The following XRRA1 variants were observed in gnomAD, a reference collection of about 807,000 sequenced individuals.
XRRA1 encodes the protein X-ray radiation resistance associated 1.
Under a neutral mutation model 80.2 loss-of-function variants are expected in XRRA1, and 69 were observed. That is an observed-to-expected ratio of 0.86 (90% CI 0.71 to 1.05). The LOEUF is 1.05. XRRA1 is among the 50% of genes least tolerant of loss of function. XRRA1 has a pLI of 0.00. For missense variants in XRRA1, 967 were observed against 976.4 expected (o/e 0.99, Z 0.13); for synonymous variants, 348 against 389.9 (o/e 0.89, Z 1.27).
chr11:74,895,258 G>C (rs1207993397), intron 10 of XRRA1, among the ~76,000 whole-genome samples: 3 of 152,214 alleles, frequency 2.0e-5, no homozygotes, highest in Non-Finnish European at 4.4e-5. Flanking sequence ...GCATTTTGCG[G>C]ATGGAGAGCA....
At chr11:74,859,104 ATC>A (rs2041777991) in intron 12 of XRRA1, 52 bp downstream of exon 12, 1 of 1,526,472 alleles carries the variant, frequency 6.6e-7, no homozygotes, top group Admixed American at 2.4e-5. Context: ...AGCAACTTGC[ATC>A]CCACCTTCCC....
intron 14 of XRRA1, among the ~76,000 whole-genome samples, chr11:74,849,698 C>T (rs1234102152): frequency 2.6e-5 from 4 of 152,194 alleles, no homozygotes; most frequent in Non-Finnish European, 5.9e-5. Flanking sequence ...ACCTAACTGG[C>T]CAGAGGTTGA....
At chr11:74,884,989 T>A (rs1440446717) in intron 10 of XRRA1, among the ~76,000 whole-genome samples, 1 of 152,054 alleles carries the variant, frequency 6.6e-6, no homozygotes, top group Non-Finnish European at 1.5e-5. Flanking sequence ...ACAGCCTGGA[T>A]ATGGTGGCTA....
chr11:74,859,106 C>G (rs2135841535), intron 12 of XRRA1, 52 bp downstream of exon 12: 1 of 1,526,744 alleles, frequency 6.5e-7, no homozygotes. Context: ...CAACTTGCAT[C>G]CCACCTTCCC....
At chr11:74,912,367 A>AC (rs2056113004) in intron 8 of XRRA1, among the ~76,000 whole-genome samples, 2 of 152,220 alleles carry the variant, frequency 1.3e-5, no homozygotes, top group Non-Finnish European at 2.9e-5. Context: ...AAAGGGGTTC[A>AC]TGCAACACTT....
intron 16 of XRRA1, 75 bp downstream of exon 16, chr11:74,844,998 C>G: frequency 6.7e-7 from 1 of 1,495,882 alleles, no homozygotes; most frequent in Non-Finnish European, 9.2e-7. Context: ...TGGTGCCAGC[C>G]TTGGCTTGAC....
At chr11:74,891,853 T>G (rs2050800841) in intron 10 of XRRA1, among the ~76,000 whole-genome samples, 1 of 152,164 alleles carries the variant, frequency 6.6e-6, no homozygotes. Context: ...ACAAGCAATG[T>G]GAAGGACCTC....
intron 10 of XRRA1, among the ~76,000 whole-genome samples, chr11:74,878,648 T>C (rs904515847): frequency 6.7e-6 from 1 of 149,232 alleles, no homozygotes; most frequent in Non-Finnish European, 1.5e-5. Flanking sequence ...GTATAAGGTG[T>C]AAGGAAGGGA....
chr11:74,945,699 G>T (rs1161206162), intron 1 of XRRA1, among the ~76,000 whole-genome samples: 1 of 152,050 alleles, frequency 6.6e-6, no homozygotes, highest in Non-Finnish European at 1.5e-5. Flanking sequence ...TGACTTCCTG[G>T]TTAGCTTTAG....
intron 8 of XRRA1, among the ~76,000 whole-genome samples, chr11:74,920,937 A>G (rs1940556973): frequency 6.6e-6 from 1 of 152,218 alleles, no homozygotes; most frequent in Admixed American, 6.5e-5. Context: ...CTGAGCTGAC[A>G]CAGGGGGCTC....
chr11:74,910,047 CTG>C (rs1389849161), intron 8 of XRRA1: 1 of 152,248 alleles, frequency 6.6e-6, no homozygotes, highest in Non-Finnish European at 1.5e-5. Flanking sequence ...TTACTTTACA[CTG>C]TAAGACTTTC....
intron 8 of XRRA1, among the ~76,000 whole-genome samples, chr11:74,919,332 T>C (rs540132884): frequency 6.8e-4 from 103 of 152,332 alleles, no homozygotes; most frequent in Non-Finnish European, 1.3e-3. Flanking sequence ...TTGATAATTG[T>C]CAGGTGATAA....
chr11:74,903,832 C>T (rs1444594673), intron 10 of XRRA1, among the ~76,000 whole-genome samples: 1 of 152,012 alleles, frequency 6.6e-6, no homozygotes, highest in Non-Finnish European at 1.5e-5. Context: ...ATGTAAATTA[C>T]AAACACATTA....
chr11:74,916,352 G>A (rs1393862986), intron 8 of XRRA1, among the ~76,000 whole-genome samples: 1 of 152,010 alleles, frequency 6.6e-6, no homozygotes, highest in Non-Finnish European at 1.5e-5. Flanking sequence ...CTTTGTTCAA[G>A]TCAATCTTTT....
intron 10 of XRRA1, among the ~76,000 whole-genome samples, chr11:74,886,149 G>A (rs1213215736): frequency 6.6e-6 from 1 of 152,100 alleles, no homozygotes; most frequent in African/African-American, 2.4e-5. Flanking sequence ...TTGAGAACTG[G>A]AACAAGACAG....
chr11:74,855,678 T>G lies in XRRA1; in HGVS notation c.1170+3480A>C, dbSNP rs187838199. 1.5e-4 allele frequency among the ~76,000 whole-genome samples: 23 copies of G among 152,366 alleles called. No homozygotes were observed. In the East Asian group the frequency reaches 4.4e-3, roughly 29 times the overall value. On this transcript the variant is annotated intron_variant, in intron 12 of 18. Coordinates refer to ENST00000684022, the MANE Select transcript of XRRA1 (RefSeq NM_001378157.1). ...TAAAGACCAAGTGAAAGTGATTATT[T>G]TACTTTTGACACAACAATTTCTAGT...
intron 10 of XRRA1, among the ~76,000 whole-genome samples, chr11:74,895,501 A>G (rs761101939): frequency 3.9e-4 from 60 of 152,218 alleles, no homozygotes; most frequent in Non-Finnish European, 8.2e-4. Context: ...CTAGGACACA[A>G]GAGCTGTAAT....
intron 10 of XRRA1, among the ~76,000 whole-genome samples, chr11:74,881,183 T>C (rs1219309742): frequency 3.3e-5 from 5 of 150,700 alleles, no homozygotes; most frequent in East Asian, 1.9e-4. Context: ...TAGTTAGCTC[T>C]TCTTGTTGAA....
At chr11:74,877,215 C>T (rs1190654713) in intron 10 of XRRA1, among the ~76,000 whole-genome samples, 1 of 152,198 alleles carries the variant, frequency 6.6e-6, no homozygotes, top group Non-Finnish European at 1.5e-5. Flanking sequence ...ATGTGTTCCT[C>T]CCAATCACAT....
Sources: gnomAD v4.1 joint callset for allele counts (sites outside exome capture counted in the v4.1 genomes callset) on GRCh38, gnomAD v4.1.1 for gene constraint, MANE v1.5 for transcripts, NCBI Gene and HGNC (gene_info 2026-07-23, HGNC 2026-07-21) for gene names.